Variants in ROBO2 observed in about 807,000 individuals in gnomAD.
ROBO2 encodes roundabout guidance receptor 2.
A neutral mutation model predicts 160.8 loss-of-function variants in ROBO2; 53 were observed. The ratio of observed to expected loss-of-function variants is 0.33; its 90% CI spans 0.26 to 0.41. ROBO2 has a LOEUF of 0.41. Among genes scored for constraint, ROBO2 ranks in the 10% least tolerant of loss-of-function variants. ROBO2 has a pLI of 1.00. For synonymous variants in ROBO2, 664 were observed against 611.7 expected (o/e 1.09, Z -1.26); for missense variants, 1,577 against 1,722.4 (o/e 0.92, Z 1.49).
At chr3:76,792,287 A>G (rs9841600) in intron 2 of ROBO2, among the ~76,000 whole-genome samples, 1,551 of 151,982 alleles carry the variant, frequency 0.01, 22 homozygotes, top group African/African-American at 0.035. Context: ...TTGAGAATGT[A>G]TACTTAACTG....
intron 1 of ROBO2, among the ~76,000 whole-genome samples, chr3:77,076,844 A>C (rs965625947): frequency 6.6e-6 from 1 of 152,160 alleles, no homozygotes; most frequent in Non-Finnish European, 1.5e-5. Flanking sequence ...ATAGGTTTTC[A>C]GTTTTGCCTT....
At chr3:76,972,418 G>A (rs866332492) in intron 2 of ROBO2, among the ~76,000 whole-genome samples, 1 of 151,850 alleles carries the variant, frequency 6.6e-6, no homozygotes, top group East Asian at 1.9e-4. Context: ...TGACTCCTAA[G>A]TTTTTTTGAA....
intron 2 of ROBO2, among the ~76,000 whole-genome samples, chr3:77,446,333 A>T (rs186376377): frequency 6.6e-6 from 1 of 152,036 alleles, no homozygotes; most frequent in African/African-American, 2.4e-5. Context: ...TTCTCATATG[A>T]TAATGTTTTG....
chr3:76,820,725 T>C (rs1485084432), intron 2 of ROBO2, among the ~76,000 whole-genome samples: 1 of 151,880 alleles, frequency 6.6e-6, no homozygotes, highest in Non-Finnish European at 1.5e-5. Context: ...AGTATGAGAG[T>C]CTGGAAATAT....
chr3:77,442,694 G>A lies in ROBO2; in HGVS notation c.389-34720G>A, dbSNP rs183404225. ...TACCCCACATATGACCCTAAGTATT[G>A]AGTACCAGGGTTCACATGTGTAGCA... is the stretch of plus-strand genomic sequence containing the variant. On this transcript the variant is annotated intron_variant, in intron 2 of 25. Transcript: ENST00000461745. Among the ~76,000 whole-genome samples the A allele has an allele frequency of 1.7e-4, 26 of 152,212 alleles. No individual in the cohort carries two copies. In the East Asian group the frequency reaches 5.0e-3, roughly 29 times the overall value.
At chr3:77,144,295 A>G (rs1205087207) in intron 2 of ROBO2, among the ~76,000 whole-genome samples, 2 of 152,144 alleles carry the variant, frequency 1.3e-5, no homozygotes, top group African/African-American at 2.4e-5. Flanking sequence ...ACCTTTACCT[A>G]CCTTGCAATC....
intron 2 of ROBO2, among the ~76,000 whole-genome samples, chr3:76,958,870 CA>C (rs1268192758): frequency 3.3e-5 from 5 of 152,182 alleles, no homozygotes; most frequent in Non-Finnish European, 7.4e-5. Flanking sequence ...AAGATGCTTA[CA>C]TTTTTGCTAC....
intron 2 of ROBO2, among the ~76,000 whole-genome samples, chr3:76,790,289 G>A (rs2063274311): frequency 6.6e-6 from 1 of 151,566 alleles, no homozygotes; most frequent in Non-Finnish European, 1.5e-5. Context: ...AGCCAAACTT[G>A]AGCTTTTAGG....
intron 2 of ROBO2, among the ~76,000 whole-genome samples, chr3:77,024,517 TCTG>T (rs1370312364): frequency 5.3e-5 from 8 of 152,220 alleles, no homozygotes; most frequent in Non-Finnish European, 8.8e-5. Flanking sequence ...AATGCTATGA[TCTG>T]GTGTTTAGGG....
rs373157307 is a variant in ROBO2, at chr3:76,382,450, C to T, written c.109+444848C>T. ...AAAAATACAAAATATTATCCGGGCG[C>T]GGTGGCGGCGCCTGTAGTCCCAGCT... On this transcript the variant is annotated intron_variant, in intron 2 of 26. Coordinates refer to the ROBO2 transcript ENST00000487694. Among the ~76,000 whole-genome samples, 49 of 152,148 alleles carry T rather than the reference C, an allele frequency of 3.2e-4. No homozygotes were observed. The East Asian group carries it at 4.5e-3, about 14-fold the overall frequency.
chr3:77,059,989 T>C (rs938889278), intron 1 of ROBO2, among the ~76,000 whole-genome samples: 5 of 152,110 alleles, frequency 3.3e-5, no homozygotes, highest in African/African-American at 4.8e-5. Flanking sequence ...GAGACTGAAG[T>C]ATGCTCCTCA....
At chr3:76,046,252 G>A (rs908190117) in intron 2 of ROBO2, among the ~76,000 whole-genome samples, 1 of 151,926 alleles carries the variant, frequency 6.6e-6, no homozygotes, top group Non-Finnish European at 1.5e-5. Context: ...TCAGACACAT[G>A]GATAAGATAA....
intron 2 of ROBO2, among the ~76,000 whole-genome samples, chr3:76,991,021 G>A (rs752052632): frequency 1.1e-4 from 17 of 152,146 alleles, no homozygotes; most frequent in Non-Finnish European, 1.9e-4. Flanking sequence ...AGGTCAGAAG[G>A]TCAAACTGGT....
intron 2 of ROBO2, among the ~76,000 whole-genome samples, chr3:76,673,193 CAAG>C (rs1428075792): frequency 6.6e-6 from 1 of 150,716 alleles, no homozygotes. Context: ...TAACCCTATA[CAAG>C]ATGATTACAG....
At chr3:75,925,018 A>G (rs1419657317) in intron 1 of ROBO2, among the ~76,000 whole-genome samples, 1 of 151,972 alleles carries the variant, frequency 6.6e-6, no homozygotes, top group African/African-American at 2.4e-5. Context: ...AGTTCTTCAT[A>G]TTAGAATAAT....
intron 2 of ROBO2, among the ~76,000 whole-genome samples, chr3:77,309,942 A>C (rs188617546): frequency 2.6e-5 from 4 of 152,268 alleles, no homozygotes; most frequent in Admixed American, 6.5e-5. Flanking sequence ...ATCTTCCTGC[A>C]TGTAATTCAT....
intron 2 of ROBO2, among the ~76,000 whole-genome samples, chr3:77,209,404 T>A (rs1161003934): frequency 6.6e-6 from 1 of 152,096 alleles, no homozygotes; most frequent in African/African-American, 2.4e-5. Flanking sequence ...ACTTTTGCAA[T>A]GCCATCTAAT....
chr3:77,109,865 G>A (rs192677232), intron 2 of ROBO2, among the ~76,000 whole-genome samples: 92 of 152,266 alleles, frequency 6.0e-4, no homozygotes, highest in African/African-American at 2.1e-3. Flanking sequence ...ACACTTAAAA[G>A]AGTCATTAGC....
At chr3:76,723,098 C>T (rs1380105866) in intron 2 of ROBO2, among the ~76,000 whole-genome samples, 2 of 152,002 alleles carry the variant, frequency 1.3e-5, no homozygotes, top group African/African-American at 4.8e-5. Flanking sequence ...ATGTGTGTTT[C>T]ATACATTATT....
Sources: allele counts gnomAD v4.1 joint callset (sites outside exome capture counted in the v4.1 genomes callset), GRCh38; gene constraint gnomAD v4.1.1; transcripts MANE v1.5; gene names NCBI Gene and HGNC (gene_info 2026-07-23, HGNC 2026-07-21).